Variants in GPAT3 observed in about 807,000 individuals in gnomAD.
The protein encoded by GPAT3 is glycerol-3-phosphate acyltransferase 3.
Under a neutral mutation model 58.8 loss-of-function variants are expected in GPAT3, and 53 were observed. The ratio of observed to expected loss-of-function variants is 0.90; its 90% CI spans 0.72 to 1.13. The LOEUF is 1.13. Among genes scored for constraint, GPAT3 ranks in the 50% most tolerant of loss-of-function variants. The pLI is 0.00. For missense variants in GPAT3, 511 were observed against 527.6 expected, an observed-to-expected ratio of 0.97 and a Z score of 0.31; for synonymous variants, 197 against 187.4, an observed-to-expected ratio of 1.05 and a Z score of -0.42.
At chr4:83,546,076 C>T (rs1017976007) in intron 2 of GPAT3, among the ~76,000 whole-genome samples, 2 of 152,134 alleles carry the variant, frequency 1.3e-5, no homozygotes, top group Non-Finnish European at 1.5e-5. Flanking sequence ...CCTCTGCCTC[C>T]CAGGTTCAAG....
chr4:83,549,711 T>TTTATTATTA (rs529043483), intron 2 of GPAT3, among the ~76,000 whole-genome samples: 4,835 of 142,794 alleles, frequency 0.034, 117 homozygotes, highest in Middle Eastern at 0.077. Flanking sequence ...TTTGTATATA[T>TTTATTATTA]TTATTATTAT....
Position 83,536,412 on chromosome 4 carries a change from TTAA to T in GPAT3, c.-210_-208del, listed in dbSNP as rs564020739. On this transcript the variant is annotated 5_prime_UTR_variant, in exon 1 of 12. Coordinates refer to ENST00000264409, the MANE Select transcript of GPAT3 (RefSeq NM_032717.5). ...ACCTGGGCAGCCAGCGGAGAAAGAG[TTAA>T]CTGGCAGGGGCGAGGAGGAGCCCAG... 1.2e-4 allele frequency: 168 copies of T among 1,349,234 alleles called. No homozygotes were observed. In the East Asian group the frequency reaches 4.3e-3, roughly 35 times the overall value. The allele number at this position is 1,349,234 out of a possible 1,614,324, so 83.6% of individuals were successfully genotyped here.
rs1201849639 is a variant in GPAT3, at chr4:83,604,702, A to T, written c.1240A>T (p.Ile414Phe). 1 of 1,614,042 alleles carries T rather than the reference A, an allele frequency of 6.2e-7. No individual in the cohort carries two copies. ...ACTAAAGAGAGCAAAGGTGAAGGAC[A>T]TCTTTAAGGAAGAGCAGCAGAAAAA... is the stretch of plus-strand genomic sequence containing the variant. Reference protein sequence around the residue: ...GGLKRAKVKDIFKEEQQKNYS... With the variant: ...GGLKRAKVKDFFKEEQQKNYS... Residue 414 changes from isoleucine (I) to phenylalanine (F), a missense_variant, in exon 12 of 12, where the codon ATC becomes TTC. Physicochemically the swap from Ile to Phe is conservative, Grantham distance 21. Coordinates refer to ENST00000264409, the MANE Select transcript of GPAT3 (RefSeq NM_032717.5).
intron 5 of GPAT3, among the ~76,000 whole-genome samples, chr4:83,589,791 T>A (rs1195753030): frequency 2.0e-5 from 3 of 152,086 alleles, no homozygotes; most frequent in East Asian, 1.9e-4. Flanking sequence ...ACTTAATTTT[T>A]AAAAATATAC....
intron 2 of GPAT3, among the ~76,000 whole-genome samples, chr4:83,579,081 C>CCCTTCCTTCCTTCCTTCCTT (rs778000097): frequency 2.0e-3 from 39 of 19,656 alleles, no homozygotes; most frequent in African/African-American, 4.1e-3. Flanking sequence ...TTTCTTTCTT[C>CCCTTCCTTCCTTCCTTCCTT]CCTTCCTTCC....
At position 83,581,813 on chromosome 4, in the gene GPAT3, T is replaced by C; in HGVS notation, c.460T>C (p.Cys154Arg). The change falls in exon 3 of 12, where the codon TGT becomes CGT. Residue 154 changes from cysteine to arginine, a missense_variant. Transcript: ENST00000264409. ...VWVLGVIVRY[C>R]VLLPLRVTLA... is the part of the protein sequence containing the mutation. ...GGTGCTGGGCGTCATAGTGCGCTAT[T>C]GTGTCCTACTGCCTCTGAGGTAAGT... 1.2e-6 allele frequency: 2 copies of C among 1,610,930 alleles called. No individual in the cohort carries two copies. The highest frequency in any genetic ancestry group is 1.7e-6 in the Non-Finnish European group (2 of 1,177,498).
In GPAT3 at chr4:83,549,822, A is replaced by G. The variant is rs146573478; in HGVS notation, c.208+5220A>G. 4.0e-5 allele frequency among the ~76,000 whole-genome samples: 6 copies of G among 151,862 alleles called. No individual in the cohort carries two copies. In the East Asian group the frequency reaches 1.2e-3, roughly 29 times the overall value. On this transcript the variant is annotated intron_variant, in intron 2 of 11. Transcript: ENST00000264409. Reference sequence around the variant, plus strand: ...ACTGAAACCTCTGCCTCCTGGGTTCAAGAGATTCTCCCACCTCAGTCTCCT... The same window carrying G: ...ACTGAAACCTCTGCCTCCTGGGTTCGAGAGATTCTCCCACCTCAGTCTCCT...
intron 8 of GPAT3, 30 bp downstream of exon 8, chr4:83,596,943 G>T (rs982997632): frequency 6.3e-7 from 1 of 1,582,136 alleles, no homozygotes; most frequent in Non-Finnish European, 8.6e-7. Flanking sequence ...CCGAGCTATA[G>T]TTGATAACAA....
In GPAT3 at chr4:83,540,627, C is replaced by T. The variant is rs143216605; in HGVS notation, c.141+3864C>T. Among the ~76,000 whole-genome samples, 927 of 152,288 alleles carry T rather than the reference C, an allele frequency of 6.1e-3. 11 individuals carry two copies. The highest frequency in any genetic ancestry group is 0.021 in the African/African-American group (880 of 41,540). The stretch of plus-strand genomic sequence containing the variant: ...CCTACTGTGTGGTAGGCAGCAGCTA[C>T]ATTATCTCTTTTGGCCTTTATGGCC... On this transcript the variant is annotated intron_variant, in intron 1 of 11. Coordinates refer to ENST00000264409, the MANE Select transcript of GPAT3 (RefSeq NM_032717.5).
intron 2 of GPAT3, among the ~76,000 whole-genome samples, chr4:83,562,204 A>AG (rs1725172532): frequency 2.6e-5 from 1 of 38,486 alleles, no homozygotes; most frequent in Admixed American, 3.0e-4. Flanking sequence ...TATATAATAT[A>AG]TATATATTAT....
chr4:83,569,087 A>G (rs1019240825), intron 2 of GPAT3, among the ~76,000 whole-genome samples: 6 of 152,182 alleles, frequency 3.9e-5, no homozygotes, highest in Non-Finnish European at 8.8e-5. Flanking sequence ...TTCATTTGTA[A>G]GGTGAATGGT....
At chr4:83,574,650 TTTTTTTTTTTTTTTTTTTTTTTTTTTTA>T (rs1178205557) in intron 2 of GPAT3, among the ~76,000 whole-genome samples, 30 of 78,210 alleles carry the variant, frequency 3.8e-4, no homozygotes, top group South Asian at 1.5e-3. Flanking sequence ...TTTTTTTTTT[TTTTTTTTTTTTTTTTTTTTTTTTTTTTA>T]GAATTAGAGT....
Position 83,538,928 on chromosome 4 carries a change from G to T in GPAT3, c.141+2165G>T, listed in dbSNP as rs919861966. ...GTCAAAGAGATGCTTGATATATGTG[G>T]AATTTGAATACAGATTCATTGTGTG... is the stretch of plus-strand genomic sequence containing the variant. On this transcript the variant is annotated intron_variant, in intron 1 of 11. Coordinates refer to ENST00000264409, the MANE Select transcript of GPAT3 (RefSeq NM_032717.5). Among the ~76,000 whole-genome samples the T allele has an allele frequency of 3.9e-5, 6 of 152,286 alleles. No individual in the cohort carries two copies. In the South Asian group the frequency reaches 1.2e-3, roughly 32 times the overall value.
At chr4:83,577,606 A>G (rs1302652498) in intron 2 of GPAT3, among the ~76,000 whole-genome samples, 3 of 152,178 alleles carry the variant, frequency 2.0e-5, no homozygotes, top group Non-Finnish European at 2.9e-5. Flanking sequence ...CTATTGTTGC[A>G]ACTTCGCTGT....
At chr4:83,574,842 T>C (rs1725735955) in intron 2 of GPAT3, among the ~76,000 whole-genome samples, 2 of 149,920 alleles carry the variant, frequency 1.3e-5, no homozygotes, top group Admixed American at 1.3e-4. Flanking sequence ...TTGAAGACTT[T>C]TGGTCTACTC....
At position 83,598,044 on chromosome 4, in the gene GPAT3, T is replaced by C. The variant is rs1726911875; in HGVS notation, c.997-7T>C. 2 of 1,613,326 alleles carry C rather than the reference T, an allele frequency of 1.2e-6. No individual in the cohort carries two copies. Among genetic ancestry groups the C allele is most frequent in the East Asian group, 4.5e-5 (2 of 44,820 alleles). On this transcript the variant is annotated splice_polypyrimidine_tract_variant and splice_region_variant and intron_variant, in intron 9 of 11. Coordinates refer to ENST00000264409, the MANE Select transcript of GPAT3 (RefSeq NM_032717.5). ...TCATAACTGAGATGTATTTTCTTTT[T>C]TCTCAGTATAACCCTCAGTTCGGTG...
intron 2 of GPAT3, among the ~76,000 whole-genome samples, chr4:83,580,685 T>A (rs768602858): frequency 4.6e-5 from 7 of 152,228 alleles, no homozygotes; most frequent in Non-Finnish European, 7.3e-5. Context: ...TAATTCACAT[T>A]TCCTTTTTCA....
intron 2 of GPAT3, among the ~76,000 whole-genome samples, chr4:83,550,804 G>GT (rs1724722210): frequency 6.6e-6 from 1 of 152,264 alleles, no homozygotes; most frequent in African/African-American, 2.4e-5. Context: ...AAATATGAAA[G>GT]TTTTTTGTGG....
rs765587796 is a variant in GPAT3, at chr4:83,598,106, G to A, written c.1052G>A (p.Ser351Asn). The A allele has an allele frequency of 6.2e-7, 1 of 1,613,604 alleles. No homozygotes were observed. The highest frequency in any genetic ancestry group is 2.2e-5 in the East Asian group (1 of 44,856). ...AACAGTAGTAAATACAACATGGTGAGCTACCTGCTTCGAATGATGACCAGC... is the reference window on the plus strand; with the variant it reads ...AACAGTAGTAAATACAACATGGTGAACTACCTGCTTCGAATGATGACCAGC... The part of the protein sequence containing the change: ...FWNSSKYNMV[S>N]YLLRMMTSWA... The change falls in exon 10 of 12, where the codon AGC becomes AAC. Residue 351 changes from serine (S) to asparagine (N), a missense_variant. Ser to Asn is a conservative substitution (Grantham distance 46). Transcript: ENST00000264409.
Sources: gnomAD v4.1 joint callset for allele counts (sites outside exome capture counted in the v4.1 genomes callset) on GRCh38, gnomAD v4.1.1 for gene constraint, MANE v1.5 for transcripts, NCBI Gene and HGNC (gene_info 2026-07-23, HGNC 2026-07-21) for gene names.